The following TMEM260 variants were observed in gnomAD, a reference collection of about 807,000 sequenced individuals.
TMEM260 encodes the protein protein O-mannosyl-transferase TMEM260.
A neutral mutation model predicts 88.9 loss-of-function variants in TMEM260; 82 were observed. The observed-to-expected ratio is 0.92, with a 90% CI of 0.77 to 1.11. The LOEUF is 1.11. Ranked by LOEUF, TMEM260 falls within the 50% of genes least tolerant of loss-of-function variation. TMEM260 has a pLI of 0.00. For missense variants in TMEM260, 902 were observed against 853.4 expected, an observed-to-expected ratio of 1.06 and a Z score of -0.71; for synonymous variants, 314 against 309.3, an observed-to-expected ratio of 1.02 and a Z score of -0.16.
At chr14:56,620,125 T>G (rs374122656) in intron 10 of TMEM260, among the ~76,000 whole-genome samples, 1 of 152,138 alleles carries the variant, frequency 6.6e-6, no homozygotes, top group East Asian at 1.9e-4. Context: ...CAACAGACAC[T>G]GGGGCCTACT....
At chr14:56,585,073 C>G (rs760246828) in intron 2 of TMEM260, 41 bp downstream of exon 2, 3 of 1,580,168 alleles carry the variant, frequency 1.9e-6, no homozygotes, top group African/African-American at 1.4e-5. Flanking sequence ...CTCTCATTAA[C>G]AGTTTTAGGA....
At position 56,624,602 on chromosome 14, in the gene TMEM260, C is replaced by T. The variant is rs144276838; in HGVS notation, c.1399-780C>T. On this transcript the variant is annotated intron_variant, in intron 11 of 15. Transcript: ENST00000261556. ...TAATAAATTTGAGAACCGTTCTATGCCAGGCAGTGTGCTAGGTGCAGATAC... is the reference window on the plus strand; with the variant it reads ...TAATAAATTTGAGAACCGTTCTATGTCAGGCAGTGTGCTAGGTGCAGATAC... Among the ~76,000 whole-genome samples the T allele has an allele frequency of 1.1e-4, 16 of 152,118 alleles. No homozygotes were observed. The East Asian group carries it at 3.1e-3, about 29-fold the overall frequency.
chr14:56,621,810 TG>T (rs1887942243), intron 11 of TMEM260, 108 bp downstream of exon 11: 2 of 870,366 alleles, frequency 2.3e-6, no homozygotes, highest in African/African-American at 3.4e-5. Flanking sequence ...TCATGATCAC[TG>T]TTAGGTAGAA....
intron 2 of TMEM260, 60 bp downstream of exon 2, chr14:56,585,092 A>G (rs1158969232): frequency 2.0e-6 from 3 of 1,482,212 alleles, no homozygotes; most frequent in Non-Finnish European, 2.8e-6. Flanking sequence ...GAATTAAGAA[A>G]GTTTAATTAA....
At chr14:56,598,995 TC>T (rs1200985922) in intron 3 of TMEM260, among the ~76,000 whole-genome samples, 2 of 152,218 alleles carry the variant, frequency 1.3e-5, no homozygotes, top group African/African-American at 4.8e-5. Context: ...ACTGGCCTGT[TC>T]CATCCACTAA....
At chr14:56,589,928 T>C (rs1022307833) in intron 3 of TMEM260, among the ~76,000 whole-genome samples, 1 of 152,154 alleles carries the variant, frequency 6.6e-6, no homozygotes, top group Non-Finnish European at 1.5e-5. Context: ...TTAAGGGACA[T>C]TTGGATTTTC....
At chr14:56,584,016 GTGTGTGTGTGTA>G (rs1259404704) in intron 1 of TMEM260, among the ~76,000 whole-genome samples, 3 of 151,562 alleles carry the variant, frequency 2.0e-5, no homozygotes, top group African/African-American at 7.3e-5. Flanking sequence ...GTGTGTGTGT[GTGTGTGTGTGTA>G]TGTGTTTAGG....
chr14:56,625,623 T>A, intron 12 of TMEM260, 93 bp downstream of exon 12: 1 of 918,520 alleles, frequency 1.1e-6, no homozygotes, highest in Non-Finnish European at 1.6e-6. Context: ...AAAGACCAAT[T>A]TTCTCTGCCT....
chr14:56,647,131 A>G (rs996474922), intron 15 of TMEM260, 112 bp from the exon 16 acceptor site: 1 of 1,162,688 alleles, frequency 8.6e-7, no homozygotes, highest in Non-Finnish European at 1.2e-6. Context: ...TTTTTACTGG[A>G]GGCTGCTTGA....
intron 15 of TMEM260, among the ~76,000 whole-genome samples, chr14:56,639,615 G>T (rs549293616): frequency 6.6e-6 from 1 of 152,164 alleles, no homozygotes; most frequent in East Asian, 1.9e-4. Context: ...CTGAGGTACC[G>T]GGTTCATCTC....
At chr14:56,638,699 A>G (rs1199776299) in intron 15 of TMEM260, among the ~76,000 whole-genome samples, 1 of 152,174 alleles carries the variant, frequency 6.6e-6, no homozygotes, top group Non-Finnish European at 1.5e-5. Flanking sequence ...GTTTTTCAAG[A>G]ATGTTCTTCT....
At chr14:56,649,951 C>A, downstream of TMEM260, 1 of 335,880 alleles carries the variant, frequency 3.0e-6, no homozygotes, top group Non-Finnish European at 5.9e-6. Flanking sequence ...GTAAACTGAG[C>A]TGAGATTTAG....
In TMEM260 at chr14:56,593,677, C is replaced by CTTTTT. The variant is rs34268894; in HGVS notation, c.344+7789_344+7793dup. The stretch of plus-strand genomic sequence containing the variant: ...ATTATTGGTATTGACAGGTGAGTGT[C>CTTTTT]TTTTTTTTTTTTTTTTTTTTTTTTT... On this transcript the variant is annotated intron_variant, in intron 3 of 15. Coordinates refer to ENST00000261556, the MANE Select transcript of TMEM260 (RefSeq NM_017799.4). Among the ~76,000 whole-genome samples the CTTTTT allele has an allele frequency of 7.7e-4, 49 of 63,506 alleles. 13 individuals carry two copies. The highest frequency in any genetic ancestry group is 4.3e-3 in the South Asian group (5 of 1,162). 41.7% of individuals were successfully genotyped at this position (63,506 alleles called of 152,430 possible).
intron 15 of TMEM260, among the ~76,000 whole-genome samples, chr14:56,642,438 T>C (rs1397307685): frequency 6.6e-6 from 1 of 152,052 alleles, no homozygotes; most frequent in Non-Finnish European, 1.5e-5. Flanking sequence ...AAGGCAGAAA[T>C]AAAGATGTTC....
At chr14:56,639,729 C>A (rs1889422819) in intron 15 of TMEM260, among the ~76,000 whole-genome samples, 1 of 152,210 alleles carries the variant, frequency 6.6e-6, no homozygotes, top group African/African-American at 2.4e-5. Context: ...AATTCCCTTT[C>A]CTAGTCAAAG....
intron 3 of TMEM260, among the ~76,000 whole-genome samples, chr14:56,600,164 T>G (rs1379175552): frequency 1.3e-5 from 2 of 152,172 alleles, no homozygotes; most frequent in Non-Finnish European, 2.9e-5. Context: ...ACATATAGAT[T>G]ATTGTACGAA....
At chr14:56,595,269 G>C (rs924139891) in intron 3 of TMEM260, among the ~76,000 whole-genome samples, 2 of 152,162 alleles carry the variant, frequency 1.3e-5, no homozygotes, top group Admixed American at 1.3e-4. Flanking sequence ...AGGTAAAAAA[G>C]CCTTCTGCAC....
rs1887330934 is a variant in TMEM260 at position 56,612,269 on chromosome 14, A to G, written c.841A>G (p.Met281Val). 3.7e-6 allele frequency: 6 copies of G among 1,613,484 alleles called. No individual in the cohort carries two copies. Among genetic ancestry groups the G allele is most frequent in the Non-Finnish European group, 4.2e-6 (5 of 1,179,494 alleles). ...GGCCAAATCTGAAATAGGATCCAGT[A>G]TGTCTGAAATACTGCTGTGAGTATG... ...SLAKSEIGSS[M>V]SEILLSQVTN... The change falls in exon 7 of 16, where the codon ATG becomes GTG. Residue 281 changes from methionine to valine, a missense_variant. Transcript: ENST00000261556.
At chr14:56,638,566 T>TTTCAGTGAATACAGATTATTG (rs1889306614) in intron 15 of TMEM260, among the ~76,000 whole-genome samples, 1 of 152,152 alleles carries the variant, frequency 6.6e-6, no homozygotes, top group African/African-American at 2.4e-5. Context: ...CTCTGTTTTT[T>TTTCAGTGAATACAGATTATTG]TTCAGTGAAT....
Sources: gnomAD v4.1 joint callset for allele counts (sites outside exome capture counted in the v4.1 genomes callset) on GRCh38, gnomAD v4.1.1 for gene constraint, MANE v1.5 for transcripts, NCBI Gene and HGNC (gene_info 2026-07-23, HGNC 2026-07-21) for gene names.